The following SRPRB variants were observed in gnomAD, a reference collection of about 807,000 sequenced individuals.
The protein encoded by SRPRB is SRP receptor subunit beta.
In SRPRB, 20 loss-of-function variants were observed where a neutral mutation model predicts 31.9. That is an observed-to-expected ratio of 0.63 (90% CI 0.44 to 0.91). The LOEUF is 0.91. SRPRB is among the 40% of genes least tolerant of loss of function. The probability of loss-of-function intolerance (pLI) is 0.00; values close to 1 mark genes in which losing one functional copy is unlikely to be tolerated. For missense variants in SRPRB, 321 were observed against 324.9 expected (o/e 0.99, Z 0.09); for synonymous variants, 146 against 132.8 (o/e 1.10, Z -0.68).
At chr3:133,816,347 C>T (rs1001928779) in intron 5 of SRPRB, among the ~76,000 whole-genome samples, 1 of 152,190 alleles carries the variant, frequency 6.6e-6, no homozygotes, top group Admixed American at 6.5e-5. Context: ...TACCTGACCT[C>T]TTTATTTCCC....
intron 3 of SRPRB, 27 bp downstream of exon 3, chr3:133,807,850 C>CT: frequency 1.3e-6 from 2 of 1,565,566 alleles, no homozygotes; most frequent in South Asian, 2.3e-5. Context: ...GTTTTGGAGT[C>CT]TGACAGTCTT....
chr3:133,820,134 G>C lies in SRPRB; in HGVS notation c.*368G>C, dbSNP rs755217923. On this transcript the variant is annotated 3_prime_UTR_variant, in exon 7 of 7. Transcript: ENST00000678299. ...CTTATCTTCTGTGCTTTTGGTCCCT[G>C]GAAACAAATCCGCCTATGTATGAAG... 4.5e-5 allele frequency: 9 copies of C among 202,032 alleles called. No homozygotes were observed. Among genetic ancestry groups the C allele is most frequent in the Middle Eastern group, 2.1e-3 (1 of 468 alleles). The allele number at this position is 202,032 out of a possible 1,614,324, so 12.5% of individuals were successfully genotyped here.
chr3:133,825,871 C>T (rs1935553845), downstream of SRPRB: 1 of 152,216 alleles, frequency 6.6e-6, no homozygotes, highest in Non-Finnish European at 1.5e-5. Context: ...AAGGAATCCT[C>T]CAATTTGCCC....
At chr3:133,804,119 A>G (rs968507602), upstream of SRPRB, among the ~76,000 whole-genome samples, 3 of 150,540 alleles carry the variant, frequency 2.0e-5, no homozygotes, top group Non-Finnish European at 4.4e-5. Context: ...AAAAAAAAGA[A>G]AAAAGAAAAT....
At chr3:133,807,701 G>A (rs768528075) in intron 2 of SRPRB, 45 bp from the exon 3 acceptor site, 2 of 1,253,540 alleles carry the variant, frequency 1.6e-6, no homozygotes, top group Non-Finnish European at 2.3e-6. Context: ...CAATTTAGGT[G>A]TGCTATTAAA....
At chr3:133,813,591 T>G (rs1935312367) in intron 4 of SRPRB, among the ~76,000 whole-genome samples, 1 of 152,256 alleles carries the variant, frequency 6.6e-6, no homozygotes. Flanking sequence ...TTCTATTTTT[T>G]ATTGTAGTTT....
chr3:133,810,789 CA>C (rs1935248550), intron 3 of SRPRB: 1 of 218,088 alleles, frequency 4.6e-6, no homozygotes, highest in Non-Finnish European at 9.1e-6. Context: ...GTTTATCTCC[CA>C]AGCCTCAGGT....
chr3:133,827,855 ACT>A (rs1173473840), downstream of SRPRB: 2 of 646,734 alleles, frequency 3.1e-6, no homozygotes, highest in Non-Finnish European at 5.6e-6. Context: ...AACATCACAC[ACT>A]GAGTTTCTTA....
intron 3 of SRPRB, among the ~76,000 whole-genome samples, chr3:133,809,364 A>G (rs1048082463): frequency 6.6e-6 from 1 of 152,204 alleles, no homozygotes; most frequent in Non-Finnish European, 1.5e-5. Context: ...TGGATGAATT[A>G]GAATTGTGGT....
At chr3:133,803,843 T>G (rs1057467437), upstream of SRPRB, among the ~76,000 whole-genome samples, 6 of 151,738 alleles carry the variant, frequency 4.0e-5, no homozygotes, top group African/African-American at 1.5e-4. Context: ...ATTTTTTAAT[T>G]AAAGAAAATG....
chr3:133,805,292 G>A (rs1935129550), upstream of SRPRB, among the ~76,000 whole-genome samples: 2 of 152,158 alleles, frequency 1.3e-5, no homozygotes, highest in Non-Finnish European at 2.9e-5. Flanking sequence ...CTTCTGCACA[G>A]CACCTTTTTT....
chr3:133,824,578 A>C (rs1018311566), downstream of SRPRB: 6 of 152,214 alleles, frequency 3.9e-5, no homozygotes, highest in Non-Finnish European at 7.3e-5. Flanking sequence ...GAGTCCAAGG[A>C]GTTTGCACAT....
intron 3 of SRPRB, among the ~76,000 whole-genome samples, chr3:133,808,901 A>C (rs997015802): frequency 6.6e-6 from 1 of 151,032 alleles, no homozygotes; most frequent in Non-Finnish European, 1.5e-5. Context: ...AAAAAAAAAA[A>C]AAAATATAAG....
chr3:133,808,221 C>T (rs966978237), intron 3 of SRPRB, among the ~76,000 whole-genome samples: 2 of 152,076 alleles, frequency 1.3e-5, no homozygotes, highest in African/African-American at 4.8e-5. Context: ...TTCCTTTCCC[C>T]ACTACCTAGT....
chr3:133,805,738 G>T, upstream of SRPRB: 1 of 1,413,050 alleles, frequency 7.1e-7, no homozygotes, highest in Admixed American at 2.6e-5. Flanking sequence ...CGCGGCTGAG[G>T]GAGAGACTAT....
rs1437077501 is a variant in SRPRB, at chr3:133,811,232, AG to A, written c.410+35del. 2 of 1,604,532 alleles carry A rather than the reference AG, an allele frequency of 1.2e-6. 1 individual carries two copies. Among genetic ancestry groups the A allele is most frequent in the South Asian group, 2.2e-5 (2 of 90,808 alleles). ...GGAAAGAAGTGAAGTGGGCTTGTCT[AG>A]GTCTGTATCTGTATATCAAAGCCAC... On this transcript the variant is annotated intron_variant, in intron 4 of 6. Transcript: ENST00000678299.
In SRPRB at chr3:133,789,867, G is replaced by A. The variant is rs375171613; in HGVS notation, c.-174+5723G>A. The A allele has an allele frequency of 1.8e-4, 23 of 128,712 alleles. 1 individual carries two copies. The highest frequency in any genetic ancestry group is 4.4e-4 in the East Asian group (2 of 4,554). 8.0% of individuals were successfully genotyped at this position (128,712 alleles called of 1,614,324 possible). ...ACTATAAACCCAGCCAAAACAAAAC[G>A]ATCTCGTTTGCGTTTTTTTTTTTTT... On this transcript the variant is annotated intron_variant, in intron 1 of 7. Transcript: ENST00000466490.
intron 2 of SRPRB, 60 bp downstream of exon 2, chr3:133,806,763 T>C: frequency 8.0e-7 from 1 of 1,256,666 alleles, no homozygotes; most frequent in Non-Finnish European, 1.2e-6. Flanking sequence ...GATCCCAGTA[T>C]TCCTGTCATC....
At position 133,806,652 on chromosome 3, in the gene SRPRB, T is replaced by C; in HGVS notation, c.198T>C (p.Ala66=). ...LIRSRRSSQR[A]VLLVGLCDSG... The stretch of plus-strand genomic sequence containing the variant: ...GGAGCAGAAGGAGCAGTCAGAGAGC[T>C]GTTCTTCTTGTTGGCCTTTGTGATT... Residue 66 remains alanine, a synonymous_variant, in exon 2 of 7, where the codon GCT becomes GCC. Transcript: ENST00000678299. 1 of 1,614,220 alleles carries C rather than the reference T, an allele frequency of 6.2e-7. No individual in the cohort carries two copies. The highest frequency in any genetic ancestry group is 8.5e-7 in the Non-Finnish European group (1 of 1,180,014).
Sources: gnomAD v4.1 joint callset for allele counts (sites outside exome capture counted in the v4.1 genomes callset) on GRCh38, gnomAD v4.1.1 for gene constraint, MANE v1.5 for transcripts, NCBI Gene and HGNC (gene_info 2026-07-23, HGNC 2026-07-21) for gene names.